The following NELL2 variants were observed in gnomAD, a reference collection of about 807,000 sequenced individuals.
NELL2 encodes protein kinase C-binding protein NELL2.
A neutral mutation model predicts 109.6 loss-of-function variants in NELL2; 41 were observed. The ratio of observed to expected loss-of-function variants is 0.37; its 90% CI spans 0.29 to 0.49. NELL2 has a LOEUF of 0.49. NELL2 is among the 20% of genes least tolerant of loss of function. The pLI is 0.98. For missense variants in NELL2, 900 were observed against 1,008.3 expected, an observed-to-expected ratio of 0.89 and a Z score of 1.45; for synonymous variants, 355 against 344.7, an observed-to-expected ratio of 1.03 and a Z score of -0.33.
intron 1 of NELL2, among the ~76,000 whole-genome samples, chr12:44,895,859 T>C (rs567844951): frequency 3.3e-5 from 5 of 152,190 alleles, no homozygotes; most frequent in Non-Finnish European, 7.4e-5. Context: ...ATGGAGTGCA[T>C]AACTGGATTA....
At chr12:44,591,306 T>C (rs1411234109) in intron 15 of NELL2, among the ~76,000 whole-genome samples, 2 of 152,064 alleles carry the variant, frequency 1.3e-5, no homozygotes, top group Admixed American at 6.6e-5. Context: ...AATCAGAATA[T>C]TGAAGAGATA....
intron 15 of NELL2, among the ~76,000 whole-genome samples, chr12:44,571,308 T>C (rs1236202106): frequency 6.6e-6 from 1 of 152,116 alleles, no homozygotes; most frequent in Admixed American, 6.6e-5. Flanking sequence ...CTTAGCAGAG[T>C]GTGAATGGTT....
chr12:44,703,670 A>G, intron 12 of NELL2, 56 bp downstream of exon 12: 1 of 1,594,142 alleles, frequency 6.3e-7, no homozygotes, highest in East Asian at 2.2e-5. Flanking sequence ...TAAATTTTGC[A>G]TGCAGTAATC....
In NELL2 at chr12:44,608,893, C is replaced by CAT. The variant is rs199952827; in HGVS notation, c.1568-1631_1568-1630dup. ...CAGACAGCACAGAAATCTATTTTTG[C>CAT]ATATATATATACATATATATATGTA... is the stretch of plus-strand genomic sequence containing the variant. On this transcript the variant is annotated intron_variant, in intron 14 of 19. Coordinates refer to ENST00000429094, the MANE Select transcript of NELL2 (RefSeq NM_001145108.2). Among the ~76,000 whole-genome samples, 826 of 149,558 alleles carry CAT rather than the reference C, an allele frequency of 5.5e-3. 5 individuals are homozygous for CAT. Among genetic ancestry groups the CAT allele is most frequent in the Middle Eastern group, 0.018 (5 of 284 alleles).
chr12:44,618,980 T>C (rs1400039907), intron 13 of NELL2, among the ~76,000 whole-genome samples: 1 of 152,138 alleles, frequency 6.6e-6, no homozygotes, highest in Non-Finnish European at 1.5e-5. Context: ...CAAAGTCACA[T>C]AGCTAGAAAG....
intron 1 of NELL2, among the ~76,000 whole-genome samples, chr12:44,883,436 A>G (rs1268745947): frequency 6.6e-6 from 1 of 151,956 alleles, no homozygotes; most frequent in African/African-American, 2.4e-5. Flanking sequence ...TTATATTTTT[A>G]GATTAGGACC....
chr12:44,801,130 C>G (rs778889640), intron 3 of NELL2, among the ~76,000 whole-genome samples: 2 of 152,062 alleles, frequency 1.3e-5, no homozygotes, highest in Non-Finnish European at 2.9e-5. Flanking sequence ...ATTATAGAAA[C>G]GCCAAAATGC....
chr12:44,548,642 A>C (rs1942904615), intron 15 of NELL2, among the ~76,000 whole-genome samples: 1 of 152,116 alleles, frequency 6.6e-6, no homozygotes, highest in African/African-American at 2.4e-5. Flanking sequence ...TTGTTCAAAG[A>C]ATATGATATA....
At chr12:44,580,605 C>T (rs539758432) in intron 15 of NELL2, among the ~76,000 whole-genome samples, 105 of 151,996 alleles carry the variant, frequency 6.9e-4, no homozygotes, top group Non-Finnish European at 1.2e-3. Flanking sequence ...CCCAGCTACT[C>T]GGGAGGCTGA....
At chr12:44,721,506 A>C (rs145371000) in intron 9 of NELL2, among the ~76,000 whole-genome samples, 64 of 152,344 alleles carry the variant, frequency 4.2e-4, no homozygotes, top group African/African-American at 1.5e-3. Flanking sequence ...TGTCACTTTC[A>C]AAGTTAGAAC....
chr12:44,764,438 C>G (rs1301462391), intron 9 of NELL2, among the ~76,000 whole-genome samples: 3 of 152,118 alleles, frequency 2.0e-5, no homozygotes, highest in Non-Finnish European at 2.9e-5. Context: ...TGATTTTTCC[C>G]TCTTCTCTTA....
chr12:44,593,437 T>C lies in NELL2; in HGVS notation c.1663+13732A>G, dbSNP rs577966454. 2.0e-5 allele frequency among the ~76,000 whole-genome samples: 3 copies of C among 152,322 alleles called. No homozygotes were observed. The South Asian group carries it at 6.2e-4, about 32-fold the overall frequency. ...TTTGGAGCTATATTGCAGTGTTTTA[T>C]TAGGGACTTTACATTTACATGGTAC... On this transcript the variant is annotated intron_variant, in intron 15 of 19. Coordinates refer to ENST00000429094, the MANE Select transcript of NELL2 (RefSeq NM_001145108.2).
intron 13 of NELL2, among the ~76,000 whole-genome samples, chr12:44,651,577 A>C (rs1254985472): frequency 1.3e-5 from 2 of 152,192 alleles, no homozygotes; most frequent in Non-Finnish European, 2.9e-5. Flanking sequence ...CATTTATTGA[A>C]GTGTCTACTG....
At chr12:44,878,955 A>G (rs896400300), upstream of NELL2, among the ~76,000 whole-genome samples, 1 of 152,228 alleles carries the variant, frequency 6.6e-6, no homozygotes, top group African/African-American at 2.4e-5. Flanking sequence ...TTGCAGATGG[A>G]ATTAAGATTG....
At chr12:44,919,964 T>C (rs1249182515) in intron 1 of NELL2, among the ~76,000 whole-genome samples, 2 of 152,232 alleles carry the variant, frequency 1.3e-5, no homozygotes, top group African/African-American at 2.4e-5. Context: ...TAAGCCGAAG[T>C]TGATTTTCAT....
intron 19 of NELL2, among the ~76,000 whole-genome samples, chr12:44,519,413 G>A (rs1328625765): frequency 1.3e-5 from 2 of 152,150 alleles, no homozygotes; most frequent in Non-Finnish European, 2.9e-5. Flanking sequence ...AAGGCACAGA[G>A]CTCTATTTTC....
At chr12:44,620,790 C>A (rs1043136908) in intron 13 of NELL2, among the ~76,000 whole-genome samples, 1 of 152,052 alleles carries the variant, frequency 6.6e-6, no homozygotes, top group African/African-American at 2.4e-5. Context: ...TGCAGGTGCC[C>A]CAAACTGGGC....
chr12:44,823,903 T>A (rs896839382), intron 2 of NELL2, among the ~76,000 whole-genome samples: 3 of 152,236 alleles, frequency 2.0e-5, no homozygotes, highest in Non-Finnish European at 4.4e-5. Context: ...ATACTTGTTA[T>A]CATAGGTCTT....
chr12:44,854,288 C>T (rs12316579), intron 2 of NELL2, among the ~76,000 whole-genome samples: 19,956 of 152,050 alleles, frequency 0.13, 1,581 homozygotes, highest in East Asian at 0.23. Flanking sequence ...TAAAGTAGAT[C>T]ACTACTATTA....
Sources: allele counts gnomAD v4.1 joint callset (sites outside exome capture counted in the v4.1 genomes callset), GRCh38; gene constraint gnomAD v4.1.1; transcripts MANE v1.5; gene names NCBI Gene and HGNC (gene_info 2026-07-23, HGNC 2026-07-21).